Variants in CNTNAP5 observed in about 807,000 individuals in gnomAD.
The protein encoded by CNTNAP5 is contactin-associated protein-like 5.
CNTNAP5 carries 72 observed loss-of-function variants against 150.2 expected under a neutral mutation model. That is an observed-to-expected ratio of 0.48 (90% confidence interval 0.40 to 0.58). CNTNAP5 has a LOEUF of 0.58. CNTNAP5 is among the 20% of genes least tolerant of loss of function. The pLI is 0.00. For synonymous variants in CNTNAP5, 672 were observed against 619.8 expected (o/e 1.08, Z -1.25); for missense variants, 1,636 against 1,626.2 (o/e 1.01, Z -0.10).
At chr2:124,906,201 G>T (rs180805283) in intron 22 of CNTNAP5, among the ~76,000 whole-genome samples, 1 of 152,232 alleles carries the variant, frequency 6.6e-6, no homozygotes, top group East Asian at 1.9e-4. Context: ...TCTTCATTCT[G>T]ATTATGCTTT....
chr2:124,798,856 A>T (rs1681904717), intron 19 of CNTNAP5, among the ~76,000 whole-genome samples: 1 of 152,058 alleles, frequency 6.6e-6, no homozygotes, highest in Non-Finnish European at 1.5e-5. Context: ...TTTTAAAGAT[A>T]ATGACAAATT....
chr2:124,262,079 G>A (rs915514769), intron 3 of CNTNAP5, among the ~76,000 whole-genome samples: 5 of 151,612 alleles, frequency 3.3e-5, no homozygotes, highest in African/African-American at 9.7e-5. Flanking sequence ...TTGTCTCTAC[G>A]TTTCTTTTTT....
intron 1 of CNTNAP5, among the ~76,000 whole-genome samples, chr2:124,199,960 C>A (rs1685680051): frequency 6.6e-6 from 1 of 152,130 alleles, no homozygotes; most frequent in Admixed American, 6.6e-5. Flanking sequence ...CAGAAATTTT[C>A]TTTCTTTTTC....
intron 3 of CNTNAP5, among the ~76,000 whole-genome samples, chr2:124,277,457 A>G (rs577540752): frequency 1.1e-4 from 17 of 152,268 alleles, no homozygotes; most frequent in South Asian, 1.0e-3. Context: ...GATATACAGG[A>G]GTGATGCAGA....
intron 1 of CNTNAP5, among the ~76,000 whole-genome samples, chr2:124,147,676 T>G (rs373895535): frequency 6.6e-6 from 1 of 152,150 alleles, no homozygotes; most frequent in East Asian, 1.9e-4. Context: ...AACAGCTCCA[T>G]TGAGGGGATG....
intron 11 of CNTNAP5, among the ~76,000 whole-genome samples, chr2:124,590,234 A>G (rs1265933298): frequency 6.6e-6 from 1 of 152,194 alleles, no homozygotes; most frequent in Non-Finnish European, 1.5e-5. Context: ...ATTATAGCAG[A>G]CAGCGAACTA....
intron 1 of CNTNAP5, among the ~76,000 whole-genome samples, chr2:124,077,061 T>C (rs896815062): frequency 1.3e-5 from 2 of 152,134 alleles, no homozygotes; most frequent in Non-Finnish European, 2.9e-5. Flanking sequence ...CTGATACATG[T>C]AAAAGTCACG....
At chr2:124,709,415 TG>T (rs1174731969) in intron 13 of CNTNAP5, among the ~76,000 whole-genome samples, 3 of 151,918 alleles carry the variant, frequency 2.0e-5, no homozygotes, top group Admixed American at 1.3e-4. Context: ...TTTATAAAGT[TG>T]AAAAAATGAG....
At chr2:124,225,972 T>C (rs189502712) in intron 2 of CNTNAP5, among the ~76,000 whole-genome samples, 2 of 152,292 alleles carry the variant, frequency 1.3e-5, no homozygotes, top group African/African-American at 4.8e-5. Flanking sequence ...GGATGAATAA[T>C]ATTCCATTGT....
intron 21 of CNTNAP5, among the ~76,000 whole-genome samples, chr2:124,901,896 A>G (rs1472294157): frequency 2.6e-5 from 4 of 152,160 alleles, no homozygotes; most frequent in Non-Finnish European, 2.9e-5. Context: ...TAATGTTGCC[A>G]ACATAATGCA....
At chr2:124,755,377 A>G (rs2105155081) in intron 14 of CNTNAP5, among the ~76,000 whole-genome samples, 1 of 152,338 alleles carries the variant, frequency 6.6e-6, no homozygotes, top group African/African-American at 2.4e-5. Flanking sequence ...TTGCATTTAC[A>G]TGAAATGATC....
At chr2:124,712,222 G>A (rs1679822721) in intron 13 of CNTNAP5, among the ~76,000 whole-genome samples, 1 of 152,192 alleles carries the variant, frequency 6.6e-6, no homozygotes, top group Non-Finnish European at 1.5e-5. Flanking sequence ...ATTAGTAGCA[G>A]TAGTGTAATC....
At chr2:124,371,503 A>G (rs3981073) in intron 3 of CNTNAP5, among the ~76,000 whole-genome samples, 34,963 of 152,044 alleles carry the variant, frequency 0.23, 4,238 homozygotes, top group Middle Eastern at 0.27. Context: ...TGAGGAGTTA[A>G]ATATCTCAAA....
chr2:124,801,798 A>G (rs1386298500), intron 19 of CNTNAP5, among the ~76,000 whole-genome samples: 1 of 152,204 alleles, frequency 6.6e-6, no homozygotes, highest in African/African-American at 2.4e-5. Context: ...AAGAACTGGG[A>G]ATATTTTAAT....
At chr2:124,909,599 A>C (rs1007115692) in intron 22 of CNTNAP5, among the ~76,000 whole-genome samples, 6 of 151,544 alleles carry the variant, frequency 4.0e-5, no homozygotes, top group Non-Finnish European at 8.8e-5. Context: ...GAGATCTAAT[A>C]ACTAAATATT....
intron 8 of CNTNAP5, among the ~76,000 whole-genome samples, chr2:124,514,566 C>T (rs1392448599): frequency 6.6e-6 from 1 of 152,108 alleles, no homozygotes; most frequent in East Asian, 1.9e-4. Flanking sequence ...GGAGGCACTG[C>T]CTTCCAGGAG....
chr2:124,082,554 C>T (rs1466008579), intron 1 of CNTNAP5, among the ~76,000 whole-genome samples: 1 of 152,108 alleles, frequency 6.6e-6, no homozygotes, highest in African/African-American at 2.4e-5. Flanking sequence ...TAACCATTCA[C>T]CTATCAAAAG....
At chr2:124,460,702 C>G (rs1693225922) in intron 6 of CNTNAP5, among the ~76,000 whole-genome samples, 1 of 152,056 alleles carries the variant, frequency 6.6e-6, no homozygotes, top group African/African-American at 2.4e-5. Context: ...TAAGAAGTTC[C>G]TAATAGGTTC....
chr2:124,259,275 G>C (rs1157342538), intron 3 of CNTNAP5, among the ~76,000 whole-genome samples: 1 of 152,060 alleles, frequency 6.6e-6, no homozygotes, highest in Non-Finnish European at 1.5e-5. Flanking sequence ...CATCTGGATT[G>C]GTTCCAAGTC....
Sources: gnomAD v4.1 joint callset for allele counts (sites outside exome capture counted in the v4.1 genomes callset) on GRCh38, gnomAD v4.1.1 for gene constraint, MANE v1.5 for transcripts, NCBI Gene and HGNC (gene_info 2026-07-23, HGNC 2026-07-21) for gene names.